The following ELMO1 variants were observed in gnomAD, a reference collection of about 807,000 sequenced individuals.
ELMO1 encodes engulfment and cell motility protein 1.
ELMO1 carries 26 observed loss-of-function variants against 98.9 expected under a neutral mutation model. The observed-to-expected ratio is 0.26, with a 90% CI of 0.19 to 0.36. ELMO1 has a LOEUF of 0.36. Ranked by LOEUF, ELMO1 falls within the 10% of genes least tolerant of loss-of-function variation. The pLI is 1.00. For missense variants in ELMO1, 627 were observed against 935.2 expected, an observed-to-expected ratio of 0.67 and a Z score of 4.30; for synonymous variants, 346 against 346.0, an observed-to-expected ratio of 1.00 and a Z score of 0.00.
intron 16 of ELMO1, among the ~76,000 whole-genome samples, chr7:36,895,233 A>G (rs1394028677): frequency 6.6e-6 from 1 of 152,216 alleles, no homozygotes; most frequent in Admixed American, 6.5e-5. Context: ...ATGGATTGAT[A>G]ACAGGGAACT....
chr7:37,016,448 C>T (rs1450663894), intron 15 of ELMO1, among the ~76,000 whole-genome samples: 1 of 152,162 alleles, frequency 6.6e-6, no homozygotes, highest in East Asian at 1.9e-4. Flanking sequence ...CTGAAACCCA[C>T]AGTCAGCTGA....
chr7:36,908,927 A>T (rs966564115), intron 16 of ELMO1, among the ~76,000 whole-genome samples: 1 of 152,196 alleles, frequency 6.6e-6, no homozygotes, highest in Non-Finnish European at 1.5e-5. Flanking sequence ...TGGAATCTTT[A>T]AACTCATTAC....
At chr7:36,863,109 C>T (rs561876045) in intron 20 of ELMO1, among the ~76,000 whole-genome samples, 1 of 152,254 alleles carries the variant, frequency 6.6e-6, no homozygotes, top group East Asian at 1.9e-4. Context: ...AGGTCTTGTT[C>T]TGAGGATAGA....
chr7:37,448,103 G>A (rs1414498387), intron 1 of ELMO1, among the ~76,000 whole-genome samples: 15 of 151,634 alleles, frequency 9.9e-5, no homozygotes, highest in African/African-American at 3.2e-4. Context: ...GGCCCTCCTG[G>A]CCCCCATTCC....
At chr7:37,148,525 C>T (rs181910064) in intron 13 of ELMO1, among the ~76,000 whole-genome samples, 2 of 152,234 alleles carry the variant, frequency 1.3e-5, no homozygotes, top group Admixed American at 1.3e-4. Context: ...AACACTGGAA[C>T]ATATTTTATT....
At chr7:37,253,100 G>A (rs1183495062) in intron 6 of ELMO1, among the ~76,000 whole-genome samples, 3 of 152,304 alleles carry the variant, frequency 2.0e-5, no homozygotes, top group African/African-American at 7.2e-5. Context: ...AGGATGTGGA[G>A]AAATGGGAAC....
At chr7:37,111,734 A>G (rs1274286249) in intron 14 of ELMO1, among the ~76,000 whole-genome samples, 1 of 152,266 alleles carries the variant, frequency 6.6e-6, no homozygotes, top group Non-Finnish European at 1.5e-5. Flanking sequence ...GTTCATAACC[A>G]TAGCCTGGAA....
intron 16 of ELMO1, among the ~76,000 whole-genome samples, chr7:36,996,919 G>C (rs1213874538): frequency 1.3e-5 from 2 of 152,222 alleles, no homozygotes; most frequent in Non-Finnish European, 1.5e-5. Flanking sequence ...TTGTTTGGAA[G>C]AGTGGTTTAG....
intron 16 of ELMO1, among the ~76,000 whole-genome samples, chr7:37,004,074 T>TA (rs1198116636): frequency 1.7e-3 from 264 of 152,252 alleles, no homozygotes; most frequent in African/African-American, 6.0e-3. Context: ...ATATTTTTTT[T>TA]AAATCAATGA....
At chr7:36,952,280 GT>G (rs781456039) in intron 16 of ELMO1, among the ~76,000 whole-genome samples, 2 of 152,200 alleles carry the variant, frequency 1.3e-5, no homozygotes, top group African/African-American at 2.4e-5. Context: ...TTAATGTTCT[GT>G]TTGGTAACCT....
chr7:37,025,143 G>T (rs183519435), intron 15 of ELMO1, among the ~76,000 whole-genome samples: 11 of 152,232 alleles, frequency 7.2e-5, no homozygotes, highest in African/African-American at 2.6e-4. Flanking sequence ...CCCTTCATCC[G>T]TTGGCAAAAT....
chr7:37,216,655 ATGGAACGCAGT>A lies in ELMO1; in HGVS notation c.810_820del (p.Gln270HisfsTer16). 6.2e-7 allele frequency: 1 copy of A among 1,614,150 alleles called. No individual in the cohort carries two copies. Among genetic ancestry groups the A allele is most frequent in the South Asian group, 1.1e-5 (1 of 91,078 alleles). Reference sequence around the variant, plus strand: ...CGCATAGGTACTCACTGTTAAAATGATGGAACGCAGTTGCTTCTGAGCCAAAATATTCGCCA... The same window carrying A: ...CGCATAGGTACTCACTGTTAAAATGATGCTTCTGAGCCAAAATATTCGCCA... On this transcript the variant is annotated frameshift_variant, in exon 11 of 22. Coordinates refer to ENST00000310758, the MANE Select transcript of ELMO1 (RefSeq NM_014800.11). LOFTEE classifies it high-confidence loss of function.
chr7:37,005,199 C>T (rs1396969803), intron 16 of ELMO1, among the ~76,000 whole-genome samples: 5 of 151,604 alleles, frequency 3.3e-5, no homozygotes, highest in Non-Finnish European at 7.4e-5. Flanking sequence ...TCAGATTCCT[C>T]GCATGCTCCT....
chr7:37,275,158 G>A (rs942370371), intron 4 of ELMO1, among the ~76,000 whole-genome samples: 1 of 152,194 alleles, frequency 6.6e-6, no homozygotes, highest in African/African-American at 2.4e-5. Context: ...ACCCTCAGAG[G>A]AAGAGTTCAT....
chr7:37,399,176 C>T (rs1803419724), intron 1 of ELMO1, among the ~76,000 whole-genome samples: 1 of 152,168 alleles, frequency 6.6e-6, no homozygotes, highest in Non-Finnish European at 1.5e-5. Context: ...TCATAGCCTG[C>T]CCAGGCTCTG....
At chr7:37,246,832 C>A (rs1224934730) in intron 6 of ELMO1, among the ~76,000 whole-genome samples, 1 of 150,958 alleles carries the variant, frequency 6.6e-6, no homozygotes, top group Non-Finnish European at 1.5e-5. Context: ...ATATATATAT[C>A]TGTATATATC....
intron 15 of ELMO1, among the ~76,000 whole-genome samples, chr7:37,055,664 C>T (rs908065001): frequency 2.6e-5 from 4 of 152,140 alleles, no homozygotes; most frequent in Admixed American, 1.3e-4. Context: ...TCCCTGAATT[C>T]TGAGGGTAAA....
chr7:37,078,153 G>T (rs1584609127), intron 15 of ELMO1, among the ~76,000 whole-genome samples: 1 of 152,192 alleles, frequency 6.6e-6, no homozygotes, highest in South Asian at 2.1e-4. Flanking sequence ...ATAGAATAAT[G>T]AATATATAAT....
At position 37,342,540 on chromosome 7, in the gene ELMO1, A is replaced by C; in HGVS notation, c.78+73T>G. The C allele has an allele frequency of 6.9e-7, 1 of 1,451,092 alleles. No individual in the cohort carries two copies. Among genetic ancestry groups the C allele is most frequent in the Middle Eastern group, 1.7e-4 (1 of 5,748 alleles). The allele number at this position is 1,451,092 out of a possible 1,614,324, so 89.9% of individuals were successfully genotyped here. On this transcript the variant is annotated intron_variant, in intron 2 of 21. Transcript: ENST00000310758. This position sits in a 1 kb window ranked among gnomAD's most constrained non-coding sequence, Gnocchi z 4.3. Reference sequence around the variant, plus strand: ...AGAGAGAAAGGGAGAAGAGTGAGCTATCCAAAGTCTATGAAAATTCCAGTA... The same window carrying C: ...AGAGAGAAAGGGAGAAGAGTGAGCTCTCCAAAGTCTATGAAAATTCCAGTA...
Sources: allele counts gnomAD v4.1 joint callset (sites outside exome capture counted in the v4.1 genomes callset), GRCh38; gene constraint gnomAD v4.1.1; non-coding constraint Gnocchi (gnomAD v3.1); transcripts MANE v1.5; gene names NCBI Gene and HGNC (gene_info 2026-07-23, HGNC 2026-07-21).